Variants in CYP3A4 observed in about 807,000 individuals in gnomAD.
CYP3A4 encodes the protein cytochrome P450 3A4.
A neutral mutation model predicts 54.9 loss-of-function variants in CYP3A4; 41 were observed. The ratio of observed to expected loss-of-function variants is 0.75; its 90% CI spans 0.58 to 0.97. CYP3A4 has a LOEUF of 0.97. Among genes scored for constraint, CYP3A4 ranks in the 50% least tolerant of loss-of-function variants. The pLI is 0.00. For missense variants in CYP3A4, 510 were observed against 597.3 expected (o/e 0.85, Z 1.52); for synonymous variants, 179 against 205.2 (o/e 0.87, Z 1.09).
intron 3 of CYP3A4, among the ~76,000 whole-genome samples, chr7:99,777,267 A>G (rs1278390897): frequency 6.6e-6 from 1 of 151,984 alleles, no homozygotes; most frequent in Non-Finnish European, 1.5e-5. Flanking sequence ...AAAAAAAAGA[A>G]GAGGGGAATA....
intron 11 of CYP3A4, among the ~76,000 whole-genome samples, chr7:99,761,820 A>G (rs951698296): frequency 5.9e-5 from 9 of 152,172 alleles, no homozygotes; most frequent in Non-Finnish European, 1.5e-5. Context: ...GATGACCTTC[A>G]TCGTAAGTTG....
chr7:99,783,901 G>A, intron 1 of CYP3A4, 110 bp downstream of exon 1: 6 of 1,293,098 alleles, frequency 4.6e-6, no homozygotes, highest in East Asian at 2.4e-5. Context: ...AAGCCACCAC[G>A]CCCGGCCTGA....
rs28988604 is a variant in CYP3A4, at chr7:99,757,450, G to A, written c.*683C>T. On this transcript the variant is annotated 3_prime_UTR_variant, in exon 13 of 13. Transcript: ENST00000651514. ...CTCCCAAACTGCTAGGATTACAGGCGTGAGCCACTGTGCCTGATCAAAAAA... is the reference window on the plus strand; with the variant it reads ...CTCCCAAACTGCTAGGATTACAGGCATGAGCCACTGTGCCTGATCAAAAAA... 4,452 of 152,500 alleles carry A rather than the reference G, an allele frequency of 0.029. 91 individuals are homozygous for A. Among genetic ancestry groups the A allele is most frequent in the African/African-American group, 0.055 (2,267 of 41,546 alleles). The allele number at this position is 152,500 out of a possible 1,614,324, so 9.4% of individuals were successfully genotyped here. A position where few individuals can be genotyped will look rare whatever the true frequency, so the allele number is the denominator to read the frequency against.
chr7:99,768,374 T>A lies in CYP3A4; in HGVS notation c.650A>T (p.Asp217Val), dbSNP rs1815529322. ...CATACTTATTGAGAGAAAGAATGGA[T>A]CCAAAAAATCAAATCTTAAAAGCTT... ...TKKLLRFDFL[D>V]PFFLSITVFP... Residue 217 changes from aspartate to valine, a missense_variant, in exon 7 of 13, where the codon GAT becomes GTT. Transcript: ENST00000651514. 6.2e-7 allele frequency: 1 copy of A among 1,613,858 alleles called. No homozygotes were observed. Among genetic ancestry groups the A allele is most frequent in the Non-Finnish European group, 8.5e-7 (1 of 1,179,838 alleles).
intron 12 of CYP3A4, among the ~76,000 whole-genome samples, chr7:99,759,827 A>G (rs1049247335): frequency 6.7e-6 from 1 of 149,462 alleles, no homozygotes; most frequent in Non-Finnish European, 1.5e-5. Flanking sequence ...CAAAATGAGG[A>G]GAAAGGGAAC....
chr7:99,766,688 G>T, intron 8 of CYP3A4: 1 of 528,216 alleles, frequency 1.9e-6, no homozygotes, highest in Non-Finnish European at 3.3e-6. Context: ...CTACACTTCA[G>T]CAGGTGGCCT....
chr7:99,772,106 G>A (rs1349691219), intron 4 of CYP3A4, among the ~76,000 whole-genome samples: 1 of 152,158 alleles, frequency 6.6e-6, no homozygotes, highest in Non-Finnish European at 1.5e-5. Context: ...ATAAAAAATA[G>A]TTTGCTCTGA....
At position 99,778,046 on chromosome 7, in the gene CYP3A4, T is replaced by C. The variant is rs140422742; in HGVS notation, c.200A>G (p.Lys67Arg). The part of the protein sequence containing the change: ...FCMFDMECHK[K>R]YGKVWGFYDG... Reference sequence around the variant, plus strand: ...TACTCACCCCCACACTTTTCCATACTTTTTATGACATTCCATGTCAAACAT... The same window carrying C: ...TACTCACCCCCACACTTTTCCATACCTTTTATGACATTCCATGTCAAACAT... The change falls in exon 3 of 13, where the codon AAG (lysine) becomes AGG (arginine). Residue 67 changes from lysine (K) to arginine (R), a missense_variant. Physicochemically the swap from Lys to Arg is conservative, Grantham distance 26. Around this residue, in one of 2 missense-constraint regions of CYP3A4, gnomAD observed 272 missense variants for 274.9 expected, o/e 0.99. Coordinates refer to ENST00000651514, the MANE Select transcript of CYP3A4 (RefSeq NM_017460.6). 172 of 1,612,714 alleles carry C rather than the reference T, an allele frequency of 1.1e-4. No individual in the cohort carries two copies. Among genetic ancestry groups the C allele is most frequent in the Non-Finnish European group, 1.3e-4 (157 of 1,179,136 alleles).
At position 99,780,197 on chromosome 7, in the gene CYP3A4, G is replaced by C. The variant is rs35864213; in HGVS notation, c.72-112C>G. 6.7e-6 allele frequency: 7 copies of C among 1,050,344 alleles called. No individual in the cohort carries two copies. In the South Asian group the frequency reaches 9.9e-5, roughly 15 times the overall value. 65.1% of individuals were successfully genotyped at this position (1,050,344 alleles called of 1,614,324 possible). ...GCTCAAGAGAACGAGGTAACATTAA[G>C]GCAAGAAATAATAACAGTAACTCTG... is the stretch of plus-strand genomic sequence containing the variant. On this transcript the variant is annotated intron_variant, in intron 1 of 12. Coordinates refer to ENST00000651514, the MANE Select transcript of CYP3A4 (RefSeq NM_017460.6).
chr7:99,772,764 A>C, intron 3 of CYP3A4, 75 bp from the exon 4 acceptor site: 1 of 1,468,314 alleles, frequency 6.8e-7, no homozygotes, highest in Non-Finnish European at 9.5e-7. Flanking sequence ...AGGAAGCCAG[A>C]CTTTGATCCT....
At chr7:99,781,659 T>A (rs1815929074) in intron 1 of CYP3A4, among the ~76,000 whole-genome samples, 1 of 152,178 alleles carries the variant, frequency 6.6e-6, no homozygotes, top group Non-Finnish European at 1.5e-5. Flanking sequence ...TCCCACAAGG[T>A]TGGCCCCAGA....
In CYP3A4 at chr7:99,758,059, CA is replaced by C. The variant is rs1815222854; in HGVS notation, c.*73del. ...CATCTTCATTTCAGAGTTCTATTCACAAAGTAATTTGAGGTCTCTGGTGTTC... is the reference window on the plus strand; with the variant it reads ...CATCTTCATTTCAGAGTTCTATTCACAAGTAATTTGAGGTCTCTGGTGTTC... On this transcript the variant is annotated 3_prime_UTR_variant, in exon 13 of 13. Transcript: ENST00000651514. 8.1e-7 allele frequency: 1 copy of C among 1,227,954 alleles called. No individual in the cohort carries two copies. The highest frequency in any genetic ancestry group is 1.5e-5 in the African/African-American group (1 of 67,108). 76.1% of individuals were successfully genotyped at this position (1,227,954 alleles called of 1,614,324 possible).
At chr7:99,770,358 G>C in intron 4 of CYP3A4, 123 bp from the exon 5 acceptor site, 1 of 849,282 alleles carries the variant, frequency 1.2e-6, no homozygotes, top group Non-Finnish European at 1.8e-6. Context: ...CTGGGTGATG[G>C]GCCCTATGCT....
chr7:99,761,446 T>TCCTCCTTCTCCTCCTTACCTTGTCTTCTC (rs1815327272), intron 11 of CYP3A4, among the ~76,000 whole-genome samples: 3 of 152,110 alleles, frequency 2.0e-5, no homozygotes, highest in Non-Finnish European at 1.5e-5. Context: ...TTTCTAATTC[T>TCCTCCTTCTCCTCCTTACCTTGTCTTCTC]CCTCCTTCTC....
intron 1 of CYP3A4, among the ~76,000 whole-genome samples, chr7:99,783,213 A>T (rs1410855425): frequency 6.6e-6 from 1 of 152,212 alleles, no homozygotes; most frequent in Non-Finnish European, 1.5e-5. Flanking sequence ...GTGAAATGTG[A>T]CATGTGAGAA....
rs565104633 is a variant in CYP3A4, at chr7:99,767,955, A to G, written c.670+399T>C. On this transcript the variant is annotated intron_variant, in intron 7 of 12. Coordinates refer to ENST00000651514, the MANE Select transcript of CYP3A4 (RefSeq NM_017460.6). ...TGTTCATGCCACAACATAGTAAACG[A>G]AGAAGGGCAAACTAAGCCTGAAGCC... Among the ~76,000 whole-genome samples the G allele has an allele frequency of 9.9e-4, 151 of 152,324 alleles. 1 individual carries two copies. Among genetic ancestry groups the G allele is most frequent in the South Asian group, 8.5e-3 (41 of 4,818 alleles).
Position 99,784,063 on chromosome 7 carries a change from A to T in CYP3A4, c.19T>A (p.Leu7Met). MALIPD[L>M]AMETWLLLAV... is the part of the protein sequence containing the mutation. Reference sequence around the variant, plus strand: ...AGGAGAAGCCAGGTTTCCATGGCCAAGTCTGGGATGAGAGCCATCACTACT... The same window carrying T: ...AGGAGAAGCCAGGTTTCCATGGCCATGTCTGGGATGAGAGCCATCACTACT... Residue 7 changes from leucine (L) to methionine (M), a missense_variant, in exon 1 of 13, where the codon TTG becomes ATG. Around this residue, in one of 2 missense-constraint regions of CYP3A4, gnomAD observed 272 missense variants for 274.9 expected, o/e 0.99. Transcript: ENST00000651514. 1.2e-6 allele frequency: 2 copies of T among 1,614,026 alleles called. No individual in the cohort carries two copies. Among genetic ancestry groups the T allele is most frequent in the East Asian group, 2.2e-5 (1 of 44,876 alleles).
chr7:99,763,852 C>T lies in CYP3A4; in HGVS notation c.1026+3G>A, dbSNP rs1815405864. 2.5e-6 allele frequency: 4 copies of T among 1,613,834 alleles called. No individual in the cohort carries two copies. The highest frequency in any genetic ancestry group is 2.7e-5 in the African/African-American group (2 of 74,926). ...CCTCCTTCTCCATGTACCATCCACT[C>T]ACCTTATTGGGTAAAACTGCATCAA... On this transcript the variant is annotated splice_donor_region_variant and intron_variant, in intron 10 of 12. Coordinates refer to ENST00000651514, the MANE Select transcript of CYP3A4 (RefSeq NM_017460.6).
rs68106838 is a variant in CYP3A4, at chr7:99,769,873, A to C, written c.433-17T>G. 2.0e-4 allele frequency: 323 copies of C among 1,613,544 alleles called. 2 individuals are homozygous for C. The South Asian group carries it at 2.8e-3, about 14-fold the overall frequency. ...AGGGACCATCTAAGCACAAAACACAACACCACCCATAGTTAAATGTGCAGA... is the reference window on the plus strand; with the variant it reads ...AGGGACCATCTAAGCACAAAACACACCACCACCCATAGTTAAATGTGCAGA... On this transcript the variant is annotated splice_polypyrimidine_tract_variant and intron_variant, in intron 5 of 12. Coordinates refer to ENST00000651514, the MANE Select transcript of CYP3A4 (RefSeq NM_017460.6).
Sources: allele counts gnomAD v4.1 joint callset (sites outside exome capture counted in the v4.1 genomes callset), GRCh38; gene constraint gnomAD v4.1.1; regional missense constraint gnomAD v4.1.1; transcripts MANE v1.5; gene names NCBI Gene and HGNC (gene_info 2026-07-23, HGNC 2026-07-21).